The following GPC6 variants were observed in gnomAD, a reference collection of about 807,000 sequenced individuals.
GPC6 encodes the protein glypican-6.
Under a neutral mutation model 55.2 loss-of-function variants are expected in GPC6, and 14 were observed. That is an observed-to-expected ratio of 0.25 (90% confidence interval 0.17 to 0.40). The LOEUF (loss-of-function observed/expected upper bound fraction) is 0.40, where lower values mean the gene tolerates loss of function less well. Ranked by LOEUF, GPC6 falls within the 10% of genes least tolerant of loss-of-function variation. The pLI is 1.00. For synonymous variants in GPC6, 278 were observed against 259.6 expected (o/e 1.07, Z -0.68); for missense variants, 641 against 708.5 (o/e 0.90, Z 1.08).
At chr13:93,700,884 T>C (rs1449599593) in intron 2 of GPC6, among the ~76,000 whole-genome samples, 4 of 152,118 alleles carry the variant, frequency 2.6e-5, no homozygotes, top group Non-Finnish European at 5.9e-5. Context: ...TGGGACAAAA[T>C]ATTCATTATC....
chr13:93,475,382 C>T (rs1286069636), intron 1 of GPC6, among the ~76,000 whole-genome samples: 1 of 148,116 alleles, frequency 6.8e-6, no homozygotes, highest in African/African-American at 2.5e-5. Flanking sequence ...AACCAACTTT[C>T]TTGCTGAATG....
At chr13:93,268,781 C>T (rs1367928681) in intron 1 of GPC6, among the ~76,000 whole-genome samples, 1 of 152,060 alleles carries the variant, frequency 6.6e-6, no homozygotes, top group Non-Finnish European at 1.5e-5. Flanking sequence ...TCTAGAAAGA[C>T]ATCATTGCTC....
intron 3 of GPC6, among the ~76,000 whole-genome samples, chr13:93,936,486 A>G (rs1435441236): frequency 2.0e-5 from 3 of 152,184 alleles, no homozygotes; most frequent in Non-Finnish European, 2.9e-5. Context: ...AATTAGCTAA[A>G]TAAACTCCAT....
intron 2 of GPC6, among the ~76,000 whole-genome samples, chr13:93,638,033 T>A (rs1310139924): frequency 6.6e-6 from 1 of 152,020 alleles, no homozygotes; most frequent in Non-Finnish European, 1.5e-5. Flanking sequence ...AGTTCACAAA[T>A]TGCTGAGCTT....
At position 94,394,906 on chromosome 13, in the gene GPC6, C is replaced by T. The variant is rs138631046; in HGVS notation, c.1290-3560C>T. Among the ~76,000 whole-genome samples the T allele has an allele frequency of 3.9e-3, 597 of 152,286 alleles. 5 individuals carry two copies. Among genetic ancestry groups the T allele is most frequent in the African/African-American group, 0.013 (556 of 41,546 alleles). ...TGGATGTTCAGACTCCCAGGGGTAG[C>T]ATTCCCATGTAAGCTATTGCAGTGA... On this transcript the variant is annotated intron_variant, in intron 7 of 8. Transcript: ENST00000377047.
chr13:94,253,335 C>T (rs568102997), intron 4 of GPC6, among the ~76,000 whole-genome samples: 27 of 152,178 alleles, frequency 1.8e-4, no homozygotes, highest in Middle Eastern at 6.8e-3. Context: ...CATTGTGCCC[C>T]CTTCTCCAGT....
At chr13:94,146,129 A>G (rs966984840) in intron 4 of GPC6, among the ~76,000 whole-genome samples, 30 of 152,166 alleles carry the variant, frequency 2.0e-4, no homozygotes, top group Admixed American at 9.8e-4. Context: ...TGTGATCCAT[A>G]ATCATGTCAC....
At chr13:94,398,334 G>T in intron 7 of GPC6, 132 bp from the exon 8 acceptor site, 1 of 697,916 alleles carries the variant, frequency 1.4e-6, no homozygotes, top group Non-Finnish European at 2.6e-6. Context: ...TTTTTTCCAG[G>T]AACTAGATCC....
intron 1 of GPC6, among the ~76,000 whole-genome samples, chr13:93,296,504 C>G (rs977670523): frequency 6.6e-6 from 1 of 152,116 alleles, no homozygotes; most frequent in Non-Finnish European, 1.5e-5. Flanking sequence ...TTTCCTGCCT[C>G]CTGTACCTGA....
At chr13:93,342,421 T>A (rs1266809923) in intron 1 of GPC6, among the ~76,000 whole-genome samples, 2 of 151,118 alleles carry the variant, frequency 1.3e-5, no homozygotes, top group Non-Finnish European at 3.0e-5. Flanking sequence ...GGCAAGAGAG[T>A]GTATGCAGGA....
At chr13:93,953,560 T>C (rs1011100645) in intron 3 of GPC6, among the ~76,000 whole-genome samples, 5 of 152,208 alleles carry the variant, frequency 3.3e-5, no homozygotes, top group African/African-American at 1.2e-4. Context: ...TTTACTCATT[T>C]GACTTTTCTT....
intron 1 of GPC6, among the ~76,000 whole-genome samples, chr13:93,243,304 A>G (rs926355363): frequency 4.6e-5 from 7 of 152,112 alleles, no homozygotes; most frequent in African/African-American, 1.7e-4. Flanking sequence ...GGCTCCAACA[A>G]TCTCCCCTTA....
intron 4 of GPC6, among the ~76,000 whole-genome samples, chr13:94,232,953 C>T (rs1175784346): frequency 6.7e-6 from 1 of 148,634 alleles, no homozygotes; most frequent in Non-Finnish European, 1.5e-5. Context: ...ATTTTAAATC[C>T]TGTAGGAATT....
intron 1 of GPC6, among the ~76,000 whole-genome samples, chr13:93,497,447 G>A (rs977407294): frequency 2.6e-5 from 4 of 152,188 alleles, no homozygotes; most frequent in African/African-American, 9.7e-5. Flanking sequence ...AGACGATGAG[G>A]TCTGCCTGGG....
At chr13:94,248,578 C>T (rs1891263438) in intron 4 of GPC6, among the ~76,000 whole-genome samples, 1 of 151,852 alleles carries the variant, frequency 6.6e-6, no homozygotes, top group East Asian at 1.9e-4. Flanking sequence ...TATGCAATGC[C>T]TTCTCAAATA....
intron 4 of GPC6, among the ~76,000 whole-genome samples, chr13:94,133,288 A>AAAAAAAAAAAAAAAAAAAAAAAC (rs1566447239): frequency 7.8e-6 from 1 of 127,442 alleles, no homozygotes; most frequent in African/African-American, 2.9e-5. Context: ...AAAAAAAAAA[A>AAAAAAAAAAAAAAAAAAAAAAAC]AAAACCTTAA....
intron 4 of GPC6, among the ~76,000 whole-genome samples, chr13:94,252,995 T>C (rs1891403921): frequency 6.6e-6 from 1 of 151,166 alleles, no homozygotes; most frequent in South Asian, 2.1e-4. Flanking sequence ...AGGAAAAGCT[T>C]CAGTAAAGTT....
intron 2 of GPC6, among the ~76,000 whole-genome samples, chr13:93,743,516 A>G (rs541261034): frequency 1.4e-4 from 21 of 152,154 alleles, no homozygotes; most frequent in Admixed American, 6.5e-4. Context: ...TGGCTCTTAC[A>G]GTCTATTTCC....
intron 2 of GPC6, among the ~76,000 whole-genome samples, chr13:93,767,884 C>T (rs1443426167): frequency 6.6e-6 from 1 of 152,104 alleles, no homozygotes; most frequent in African/African-American, 2.4e-5. Flanking sequence ...GTTAAACAAA[C>T]GTTAACTCAT....
Sources: gnomAD v4.1 joint callset for allele counts (sites outside exome capture counted in the v4.1 genomes callset) on GRCh38, gnomAD v4.1.1 for gene constraint, MANE v1.5 for transcripts, NCBI Gene and HGNC (gene_info 2026-07-23, HGNC 2026-07-21) for gene names.